Variants in MYH11 observed in about 807,000 individuals in gnomAD.
MYH11 encodes the protein myosin heavy chain 11, also known as myosin-11.
A neutral mutation model predicts 246.6 loss-of-function variants in MYH11; 80 were observed. The ratio of observed to expected loss-of-function variants is 0.32; its 90% CI spans 0.27 to 0.39. The LOEUF is 0.39. Ranked by LOEUF, MYH11 falls within the 10% of genes least tolerant of loss-of-function variation. The pLI is 1.00. For missense variants in MYH11, 2,158 were observed against 2,546.8 expected (o/e 0.85, Z 3.29); for synonymous variants, 1,071 against 1,015.5 (o/e 1.05, Z -1.04).
At chr16:15,827,172 A>G (rs1310202877) in intron 2 of MYH11, among the ~76,000 whole-genome samples, 2 of 152,156 alleles carry the variant, frequency 1.3e-5, no homozygotes, top group Non-Finnish European at 2.9e-5. Flanking sequence ...TAAAGAAATC[A>G]ATGATAGCTC....
At chr16:15,787,094 G>A (rs562328819) in intron 4 of MYH11, among the ~76,000 whole-genome samples, 2 of 150,876 alleles carry the variant, frequency 1.3e-5, no homozygotes, top group Non-Finnish European at 3.0e-5. Flanking sequence ...AACACAGAGA[G>A]ACACTGCCTC....
intron 8 of MYH11, 102 bp downstream of exon 8, chr16:15,775,976 G>T: frequency 1.2e-6 from 1 of 867,104 alleles, no homozygotes; most frequent in Non-Finnish European, 2.0e-6. Flanking sequence ...GGTCCTTTCT[G>T]GCAGGATCTG....
At chr16:15,773,500 A>T (rs568045843) in intron 8 of MYH11, among the ~76,000 whole-genome samples, 1 of 151,978 alleles carries the variant, frequency 6.6e-6, no homozygotes, top group South Asian at 2.1e-4. Context: ...TGGCTAGTCT[A>T]GTCTTGAACC....
chr16:15,856,350 A>AC (rs1350609223), intron 1 of MYH11, among the ~76,000 whole-genome samples: 2 of 144,350 alleles, frequency 1.4e-5, no homozygotes, highest in Non-Finnish European at 3.1e-5. Flanking sequence ...AAAAAACAAC[A>AC]ACACTCCTTT....
intron 23 of MYH11, 101 bp from the exon 24 acceptor site, chr16:15,738,789 C>T: frequency 2.2e-6 from 3 of 1,373,502 alleles, no homozygotes; most frequent in Non-Finnish European, 3.0e-6. Flanking sequence ...GAAAGAAAAA[C>T]CCACATTATA....
At chr16:15,837,805 G>C (rs1248293983) in intron 2 of MYH11, 103 bp downstream of exon 2, 1 of 1,075,848 alleles carries the variant, frequency 9.3e-7, no homozygotes, top group East Asian at 2.4e-5. Flanking sequence ...AAAGTGCTGG[G>C]AGTACAGGCA....
At chr16:15,827,926 A>G (rs2043615062) in intron 2 of MYH11, among the ~76,000 whole-genome samples, 1 of 152,106 alleles carries the variant, frequency 6.6e-6, no homozygotes, top group Non-Finnish European at 1.5e-5. Context: ...AAGGTCAATC[A>G]AGCCCCACCC....
At position 15,841,344 on chromosome 16, in the gene MYH11, G is replaced by T. The variant is rs1020233466; in HGVS notation, c.-17-3075C>A. Among the ~76,000 whole-genome samples the T allele has an allele frequency of 6.6e-5, 10 of 152,168 alleles. No homozygotes were observed. The East Asian group carries it at 1.3e-3, about 21-fold the overall frequency. On this transcript the variant is annotated intron_variant, in intron 1 of 40. Transcript: ENST00000300036. Reference sequence around the variant, plus strand: ...GTAGAGACGGGGCTTCGCCAAGTTGGCCAGGCTGGTCTCAAACTCCTGACC... The same window carrying T: ...GTAGAGACGGGGCTTCGCCAAGTTGTCCAGGCTGGTCTCAAACTCCTGACC...
intron 10 of MYH11, 35 bp from the exon 11 acceptor site, chr16:15,760,693 C>T (rs775136266): frequency 1.4e-5 from 19 of 1,368,474 alleles, no homozygotes; most frequent in Non-Finnish European, 2.0e-5. Context: ...GAGTGCATCA[C>T]AAAAGAAATA....
Position 15,816,793 on chromosome 16 carries a change from CAA to C in MYH11, c.502+6460_502+6461del, listed in dbSNP as rs67390477. On this transcript the variant is annotated intron_variant, in intron 3 of 40. Coordinates refer to ENST00000300036, the MANE Select transcript of MYH11 (RefSeq NM_002474.3). ...TTTTCAGAGATATGGTGGTAAATAC[CAA>C]AAAAAAAAAAAATCAATTAAAGGAG... Among the ~76,000 whole-genome samples the C allele has an allele frequency of 3.6e-5, 5 of 138,520 alleles. No individual in the cohort carries two copies. The South Asian group carries it at 7.0e-4, about 19-fold the overall frequency. 90.9% of individuals were successfully genotyped at this position (138,520 alleles called of 152,430 possible).
intron 24 of MYH11, 51 bp from the exon 25 acceptor site, chr16:15,737,671 C>G: frequency 6.3e-7 from 1 of 1,597,614 alleles, no homozygotes; most frequent in Non-Finnish European, 8.5e-7. Context: ...GAGAGATGCC[C>G]GGAAATGAGC....
rs1285963541 is a variant in MYH11 at position 15,757,813 on chromosome 16, C to A, written c.1575+14G>T. 6.2e-7 allele frequency: 1 copy of A among 1,614,180 alleles called. No individual in the cohort carries two copies. The highest frequency in any genetic ancestry group is 8.5e-7 in the Non-Finnish European group (1 of 1,180,030). On this transcript the variant is annotated intron_variant, in intron 13 of 40. Transcript: ENST00000300036. ...AAGGTGTGACGGAGCCCCGCACGCC[C>A]ACGTGCCCCTCACCGGTCGCTCGAT...
chr16:15,718,293 G>A (rs1167162536), intron 37 of MYH11, 22 bp downstream of exon 37: 3 of 1,607,318 alleles, frequency 1.9e-6, no homozygotes, highest in Non-Finnish European at 2.5e-6. Context: ...CAGCGTGACT[G>A]TGGTGTCCAG....
chr16:15,710,641 A>AG (rs1463452401), intron 40 of MYH11, among the ~76,000 whole-genome samples: 1 of 150,972 alleles, frequency 6.6e-6, no homozygotes, highest in African/African-American at 2.4e-5. Context: ...CAGGAGAGGC[A>AG]GGGGGACTGG....
In MYH11 at chr16:15,720,861, T is replaced by C. The variant is rs777737226; in HGVS notation, c.4769A>G (p.Lys1590Arg). 1 of 1,613,832 alleles carries C rather than the reference T, an allele frequency of 6.2e-7. No individual in the cohort carries two copies. Among genetic ancestry groups the C allele is most frequent in the African/African-American group, 1.3e-5 (1 of 75,014 alleles). ...LQARDEQNEE[K>R]RRQLQRQLHE... ...CACCTGTCTCTGCAGTTGCCTCCTC[T>C]TCTCCTCATTCTGCTCGTCCCGGGC... is the stretch of plus-strand genomic sequence containing the variant. The change falls in exon 33 of 41, where the codon AAG becomes AGG. Residue 1590 changes from lysine to arginine, a missense_variant. By Grantham distance (26) the Lys-to-Arg change is conservative. Transcript: ENST00000300036.
chr16:15,815,461 G>A (rs898042847), intron 3 of MYH11, among the ~76,000 whole-genome samples: 3 of 152,020 alleles, frequency 2.0e-5, no homozygotes, highest in Admixed American at 2.0e-4. Context: ...AAAAGTTGAG[G>A]TAAGTGCCCA....
In MYH11 at chr16:15,726,961, C is replaced by G. The variant is rs2040795788; in HGVS notation, c.3745G>C (p.Glu1249Gln). The change falls in exon 28 of 41, where the codon GAG (glutamate) becomes CAG (glutamine). Residue 1249 changes from glutamate to glutamine, a missense_variant. Physicochemically the swap from Glu to Gln is conservative, Grantham distance 29. This residue lies in a region of MYH11 where 1,013 missense variants were observed against 993.5 expected (regional missense o/e 1.02). Transcript: ENST00000300036. ...ELRVLGQAKQEVEHKKKKLEA... is the reference protein window; with the variant it reads ...ELRVLGQAKQQVEHKKKKLEA... The stretch of plus-strand genomic sequence containing the variant: ...AGCTTCTTCTTCTTATGTTCCACCT[C>G]CTGCTTGGCCTGGCCCAGGACCCGC... The G allele has an allele frequency of 1.2e-6, 2 of 1,613,588 alleles. No homozygotes were observed. Among genetic ancestry groups the G allele is most frequent in the Non-Finnish European group, 1.7e-6 (2 of 1,180,026 alleles).
At chr16:15,715,430 A>G (rs996253244) in intron 38 of MYH11, among the ~76,000 whole-genome samples, 158 bp from the exon 39 acceptor site, 20 of 152,192 alleles carry the variant, frequency 1.3e-4, no homozygotes, top group Non-Finnish European at 4.4e-5. Flanking sequence ...CAGCCATGAA[A>G]AGGAATAAAG....
chr16:15,798,568 A>G (rs2042798980), intron 4 of MYH11, 92 bp downstream of exon 4: 50 of 1,330,750 alleles, frequency 3.8e-5, no homozygotes, highest in Non-Finnish European at 5.1e-5. Context: ...CTCTGCACTC[A>G]TGGATCTTTT....
Sources: gnomAD v4.1 joint callset for allele counts (sites outside exome capture counted in the v4.1 genomes callset) on GRCh38, gnomAD v4.1.1 for gene constraint, gnomAD v4.1.1 regional missense constraint, MANE v1.5 for transcripts, NCBI Gene and HGNC (gene_info 2026-07-23, HGNC 2026-07-21) for gene names.